CENPP: variants seen among roughly 807,000 people sequenced by gnomAD.
CENPP encodes centromere protein P.
CENPP carries 24 observed loss-of-function variants against 35.6 expected under a neutral mutation model. That is an observed-to-expected ratio of 0.67 (90% CI 0.49 to 0.95). The LOEUF (loss-of-function observed/expected upper bound fraction) is 0.95. CENPP is among the 40% of genes least tolerant of loss of function. The pLI is 0.00. For synonymous variants in CENPP, 120 were observed against 125.5 expected (o/e 0.96, Z 0.29); for missense variants, 332 against 345.3 (o/e 0.96, Z 0.31).
intron 5 of CENPP, among the ~76,000 whole-genome samples, chr9:92,513,684 A>G (rs1174992556): frequency 6.6e-6 from 1 of 152,208 alleles, no homozygotes; most frequent in Non-Finnish European, 1.5e-5. Flanking sequence ...TGAAAGGGCT[A>G]TGTATTGTAT....
intron 5 of CENPP, among the ~76,000 whole-genome samples, chr9:92,522,118 G>C (rs1330931908): frequency 2.0e-5 from 3 of 152,024 alleles, no homozygotes; most frequent in Non-Finnish European, 4.4e-5. Context: ...ACGGAGTCTT[G>C]CTCTGTCGCC....
intron 2 of CENPP, 123 bp from the exon 3 acceptor site, chr9:92,337,418 T>A: frequency 1.8e-6 from 1 of 562,012 alleles, no homozygotes; most frequent in South Asian, 2.8e-5. Context: ...TTCAATGTAA[T>A]TGCTAATGCA....
At chr9:92,479,082 G>A (rs544451853) in intron 5 of CENPP, among the ~76,000 whole-genome samples, 1 of 152,262 alleles carries the variant, frequency 6.6e-6, no homozygotes, top group South Asian at 2.1e-4. Flanking sequence ...TGAGGTTCGA[G>A]ATGAGGAACT....
At chr9:92,397,213 C>T (rs916693041) in intron 5 of CENPP, among the ~76,000 whole-genome samples, 1 of 152,008 alleles carries the variant, frequency 6.6e-6, no homozygotes, top group South Asian at 2.1e-4. Flanking sequence ...CACCATTATT[C>T]TTTGAGAACT....
chr9:92,417,232 A>G (rs1843640925), intron 5 of CENPP: 1 of 1,614,044 alleles, frequency 6.2e-7, no homozygotes, highest in Non-Finnish European at 8.5e-7. Context: ...TGATGAATGA[A>G]TTTGCAGTCA....
chr9:92,587,453 G>A (rs781537561), intron 5 of CENPP, among the ~76,000 whole-genome samples: 3 of 151,678 alleles, frequency 2.0e-5, no homozygotes, highest in Non-Finnish European at 2.9e-5. Flanking sequence ...TGGGCAACAA[G>A]AGCGAAATTG....
chr9:92,524,104 C>T (rs1285843103), intron 5 of CENPP, among the ~76,000 whole-genome samples: 3 of 152,196 alleles, frequency 2.0e-5, no homozygotes, highest in Non-Finnish European at 4.4e-5. Context: ...CACCTGTTTG[C>T]TAAGACGTTC....
chr9:92,594,513 T>C (rs1265311409), intron 5 of CENPP, among the ~76,000 whole-genome samples: 2 of 152,236 alleles, frequency 1.3e-5, no homozygotes, highest in Admixed American at 6.5e-5. Flanking sequence ...AGAACTACTA[T>C]GCAAATGGAA....
At position 92,450,782 on chromosome 9, in the gene CENPP, G is replaced by A. The variant is rs1017807559; in HGVS notation, c.564+70923G>A. ...GTTGTTTCCTGACTTTTTAATGATT[G>A]CCATTCTAACTGGTGTGAGATGGTA... On this transcript the variant is annotated intron_variant, in intron 5 of 7. Coordinates refer to ENST00000375587, the MANE Select transcript of CENPP (RefSeq NM_001012267.3). Among the ~76,000 whole-genome samples the A allele has an allele frequency of 1.1e-3, 163 of 152,056 alleles. 1 individual carries two copies. Among genetic ancestry groups the A allele is most frequent in the African/African-American group, 3.7e-3 (154 of 41,492 alleles).
At chr9:92,357,446 T>A (rs1274344624) in intron 4 of CENPP, among the ~76,000 whole-genome samples, 1 of 149,858 alleles carries the variant, frequency 6.7e-6, no homozygotes, top group East Asian at 1.9e-4. Flanking sequence ...GCCACATCCC[T>A]TTGATCATCT....
chr9:92,457,505 G>C (rs767002052), intron 5 of CENPP: 1 of 1,554,116 alleles, frequency 6.4e-7, no homozygotes, highest in South Asian at 1.1e-5. Context: ...TAGGAAAAAA[G>C]AAAGGATTAA....
At chr9:92,585,777 G>A (rs1002695892) in intron 5 of CENPP, among the ~76,000 whole-genome samples, 1 of 152,204 alleles carries the variant, frequency 6.6e-6, no homozygotes, top group Non-Finnish European at 1.5e-5. Context: ...ATGAATTCCA[G>A]TGAAAGTATC....
At chr9:92,348,338 A>T (rs1270879158) in intron 4 of CENPP, among the ~76,000 whole-genome samples, 2 of 148,996 alleles carry the variant, frequency 1.3e-5, no homozygotes, top group African/African-American at 2.5e-5. Flanking sequence ...TCTTCATTTC[A>T]TTTGATTCAG....
intron 5 of CENPP, among the ~76,000 whole-genome samples, chr9:92,504,595 G>A (rs566757483): frequency 6.6e-6 from 1 of 152,178 alleles, no homozygotes; most frequent in Non-Finnish European, 1.5e-5. Flanking sequence ...GAGTGTAGTG[G>A]TACGATCCTA....
rs772146071 is a variant in CENPP, at chr9:92,379,834, G to A, written c.539G>A (p.Arg180His). ...TTTTTTGTGGAGTGGTTTGAATATCGTAAGCGCACGTTTAAACATCTCAAG... is the reference window on the plus strand; with the variant it reads ...TTTTTTGTGGAGTGGTTTGAATATCATAAGCGCACGTTTAAACATCTCAAG... ...LHFFVEWFEY[R>H]KRTFKHLKEK... The change falls in exon 5 of 8, where the codon CGT becomes CAT. Residue 180 changes from arginine to histidine, a missense_variant. Physicochemically the swap from Arg to His is conservative, Grantham distance 29. Coordinates refer to ENST00000375587, the MANE Select transcript of CENPP (RefSeq NM_001012267.3). The A allele has an allele frequency of 7.4e-6, 12 of 1,611,182 alleles. No homozygotes were observed. Among genetic ancestry groups the A allele is most frequent in the East Asian group, 6.7e-5 (3 of 44,830 alleles).
At chr9:92,348,913 CTTTA>C (rs759407772) in intron 4 of CENPP, among the ~76,000 whole-genome samples, 7 of 152,050 alleles carry the variant, frequency 4.6e-5, no homozygotes, top group Non-Finnish European at 7.4e-5. Flanking sequence ...TGATTGTTAT[CTTTA>C]TTTTTCTGTA....
At chr9:92,467,049 G>T (rs1406366465) in intron 5 of CENPP, among the ~76,000 whole-genome samples, 1 of 152,134 alleles carries the variant, frequency 6.6e-6, no homozygotes, top group Non-Finnish European at 1.5e-5. Flanking sequence ...ACAGAGGCCT[G>T]TAAGGAAAAA....
chr9:92,366,199 GAATT>G (rs1354955003), intron 4 of CENPP, among the ~76,000 whole-genome samples: 1 of 136,748 alleles, frequency 7.3e-6, no homozygotes, highest in African/African-American at 2.7e-5. Flanking sequence ...AAAAAAAAAA[GAATT>G]ATTTCCAGGG....
intron 4 of CENPP, among the ~76,000 whole-genome samples, chr9:92,352,505 G>GTGTGTGTGTGTGTATATATATATA: frequency 1.2e-4 from 6 of 49,790 alleles, no homozygotes; most frequent in African/African-American, 9.0e-4. Flanking sequence ...GTGTGTGTGT[G>GTGTGTGTGTGTGTATATATATATA]TATACATATA....
Sources: allele counts gnomAD v4.1 joint callset (sites outside exome capture counted in the v4.1 genomes callset), GRCh38; gene constraint gnomAD v4.1.1; transcripts MANE v1.5; gene names NCBI Gene and HGNC (gene_info 2026-07-23, HGNC 2026-07-21).